Variants in DISP1 observed in about 807,000 individuals in gnomAD.
The protein encoded by DISP1 is dispatched RND transporter family member 1, also known as protein dispatched homolog 1.
Under a neutral mutation model 37.3 loss-of-function variants are expected in DISP1, and 30 were observed. That is an observed-to-expected ratio of 0.80 (90% CI 0.60 to 1.09). The LOEUF is 1.09. Among genes scored for constraint, DISP1 ranks in the 50% least tolerant of loss-of-function variants. The pLI, the probability that DISP1 is intolerant of heterozygous loss-of-function variation, is 0.00. For synonymous variants in DISP1, 634 were observed against 690.2 expected (o/e 0.92, Z 1.28); for missense variants, 1,598 against 1,879.5 (o/e 0.85, Z 2.77).
intron 1 of DISP1, among the ~76,000 whole-genome samples, chr1:222,820,728 T>C (rs1321553620): frequency 6.6e-6 from 1 of 152,184 alleles, no homozygotes; most frequent in African/African-American, 2.4e-5. Context: ...CTGCAAAATA[T>C]GCATAGTAAT....
intron 1 of DISP1, among the ~76,000 whole-genome samples, chr1:222,915,853 C>G (rs1263917059): frequency 6.6e-6 from 1 of 152,170 alleles, no homozygotes; most frequent in Non-Finnish European, 1.5e-5. Flanking sequence ...TACTTTCCTG[C>G]TATCAATAAT....
intron 7 of DISP1, among the ~76,000 whole-genome samples, chr1:222,994,109 C>A (rs910030749): frequency 2.0e-5 from 3 of 152,044 alleles, no homozygotes; most frequent in Non-Finnish European, 4.4e-5. Context: ...TGTTGGGCAT[C>A]TATTATTATC....
At chr1:222,828,908 A>T (rs1475574941) in intron 1 of DISP1, among the ~76,000 whole-genome samples, 1 of 152,228 alleles carries the variant, frequency 6.6e-6, no homozygotes. Flanking sequence ...TGCCAGAAAT[A>T]AAAGTCCACA....
chr1:222,860,215 C>T (rs930520472), intron 1 of DISP1, among the ~76,000 whole-genome samples: 28 of 152,058 alleles, frequency 1.8e-4, no homozygotes, highest in Admixed American at 1.2e-3. Context: ...CCACCAGGCC[C>T]GGCTAATTTT....
intron 1 of DISP1, among the ~76,000 whole-genome samples, chr1:222,840,266 G>A (rs747368848): frequency 2.4e-4 from 37 of 152,036 alleles, no homozygotes; most frequent in Admixed American, 6.6e-4. Context: ...TTTTTAGACC[G>A]AGTCTCACTC....
chr1:222,991,535 G>A lies in DISP1; in HGVS notation c.679G>A (p.Gly227Arg), dbSNP rs1678693060. 2 of 1,613,682 alleles carry A rather than the reference G, an allele frequency of 1.2e-6. No individual in the cohort carries two copies. The highest frequency in any genetic ancestry group is 1.7e-5 in the Admixed American group (1 of 59,996). ...TTTGCCTTAGGGTTTTGAACCAAGA[G>A]GAACAGCAATAGGCCAGAGATTGGT... ...SDPLLGFEPR[G>R]TAIGQRLVTW... The change falls in exon 6 of 9, where the codon GGA (glycine) becomes AGA (arginine). Residue 227 changes from glycine (G) to arginine (R), a missense_variant. Coordinates refer to ENST00000675850, the MANE Select transcript of DISP1 (RefSeq NM_001377229.1).
At chr1:222,924,440 A>G (rs1475729289) in intron 1 of DISP1, among the ~76,000 whole-genome samples, 1 of 152,168 alleles carries the variant, frequency 6.6e-6, no homozygotes, top group Non-Finnish European at 1.5e-5. Flanking sequence ...GTTCAAGGTT[A>G]CATAGCCAGT....
At chr1:222,949,570 G>A (rs1675058245) in intron 3 of DISP1, among the ~76,000 whole-genome samples, 1 of 152,000 alleles carries the variant, frequency 6.6e-6, no homozygotes, top group Admixed American at 6.6e-5. Flanking sequence ...ACATTATTCA[G>A]CCCTTAATTA....
intron 1 of DISP1, among the ~76,000 whole-genome samples, chr1:222,840,754 G>C (rs1196647525): frequency 1.3e-5 from 2 of 151,622 alleles, no homozygotes; most frequent in Non-Finnish European, 2.9e-5. Context: ...AGTAGAGATG[G>C]GGTTTCACAG....
At chr1:222,997,184 A>G (rs1194073485) in intron 8 of DISP1, among the ~76,000 whole-genome samples, 1 of 152,150 alleles carries the variant, frequency 6.6e-6, no homozygotes, top group East Asian at 1.9e-4. Context: ...AATGAAATAC[A>G]TGAAGGGAAA....
intron 1 of DISP1, among the ~76,000 whole-genome samples, chr1:222,878,175 T>G (rs1670071965): frequency 6.6e-6 from 1 of 152,232 alleles, no homozygotes; most frequent in African/African-American, 2.4e-5. Flanking sequence ...TGAGGCATTG[T>G]TACGGAGTCC....
intron 3 of DISP1, among the ~76,000 whole-genome samples, chr1:222,948,877 T>C (rs1235495297): frequency 2.6e-5 from 4 of 152,200 alleles, no homozygotes; most frequent in African/African-American, 9.7e-5. Context: ...AAAGTTTTTA[T>C]TTGTTTATAA....
rs1422590365 is a variant in DISP1 at position 222,828,510 on chromosome 1, G to A, written c.-159+13432G>A. Among the ~76,000 whole-genome samples, 3 of 152,114 alleles carry A rather than the reference G, an allele frequency of 2.0e-5. No homozygotes were observed. The East Asian group carries it at 5.8e-4, about 29-fold the overall frequency. ...TAACAGTGTTTATATTTACCCATAT[G>A]CATTTAACCTTTTTTCCCTTGACCA... On this transcript the variant is annotated intron_variant, in intron 1 of 8. Transcript: ENST00000675850.
chr1:222,961,105 C>G (rs1195715634), intron 3 of DISP1, among the ~76,000 whole-genome samples: 3 of 152,136 alleles, frequency 2.0e-5, no homozygotes, highest in Non-Finnish European at 4.4e-5. Flanking sequence ...GGATTCCTCC[C>G]TAACTCATTT....
intron 3 of DISP1, among the ~76,000 whole-genome samples, chr1:222,981,209 C>T (rs1302227099): frequency 2.0e-5 from 3 of 152,150 alleles, no homozygotes; most frequent in African/African-American, 7.2e-5. Context: ...GCTTTTCTTC[C>T]TTGGTTTTAC....
intron 1 of DISP1, among the ~76,000 whole-genome samples, chr1:222,902,547 C>A (rs1182586161): frequency 6.6e-6 from 1 of 151,992 alleles, no homozygotes; most frequent in African/African-American, 2.4e-5. Context: ...ATTTTCGCAA[C>A]CTACTCATCT....
At chr1:222,921,251 G>T (rs1672794320) in intron 1 of DISP1, among the ~76,000 whole-genome samples, 1 of 152,228 alleles carries the variant, frequency 6.6e-6, no homozygotes, top group African/African-American at 2.4e-5. Flanking sequence ...GGAGGTTGCA[G>T]TGAGCTGTGA....
At chr1:222,850,130 TA>T (rs1668139657) in intron 1 of DISP1, among the ~76,000 whole-genome samples, 2 of 151,974 alleles carry the variant, frequency 1.3e-5, no homozygotes, top group African/African-American at 2.4e-5. Context: ...GTGAGTGACA[TA>T]AAAAAAATGC....
At chr1:222,883,477 C>CGTG (rs1553322462) in intron 1 of DISP1, among the ~76,000 whole-genome samples, 2 of 152,258 alleles carry the variant, frequency 1.3e-5, no homozygotes, top group East Asian at 3.9e-4. Context: ...AATTGTTGGG[C>CGTG]GTGGTGGCAC....
Sources: allele counts gnomAD v4.1 joint callset (sites outside exome capture counted in the v4.1 genomes callset), GRCh38; gene constraint gnomAD v4.1.1; transcripts MANE v1.5; gene names NCBI Gene and HGNC (gene_info 2026-07-23, HGNC 2026-07-21).